Variants in CNTN6 observed in about 807,000 individuals in gnomAD.
CNTN6 encodes the protein contactin 6, also known as contactin-6.
CNTN6 carries 137 observed loss-of-function variants against 122.8 expected under a neutral mutation model. The observed-to-expected ratio is 1.12, with a 90% CI of 0.97 to 1.29. CNTN6 has a LOEUF of 1.29. Among genes scored for constraint, CNTN6 ranks in the 50% most tolerant of loss-of-function variants. The pLI is 0.00. For synonymous variants in CNTN6, 570 were observed against 426.0 expected, an observed-to-expected ratio of 1.34 and a Z score of -4.16; for missense variants, 1,634 against 1,223.4, an observed-to-expected ratio of 1.34 and a Z score of -5.01.
chr3:1,110,474 T>G (rs936060143), intron 1 of CNTN6, among the ~76,000 whole-genome samples: 6 of 152,108 alleles, frequency 3.9e-5, no homozygotes, highest in African/African-American at 1.4e-4. Flanking sequence ...CATGCATTGT[T>G]CCTTGGATGG....
chr3:1,205,334 G>A (rs1007821996), intron 2 of CNTN6, among the ~76,000 whole-genome samples: 4 of 152,108 alleles, frequency 2.6e-5, no homozygotes, highest in African/African-American at 4.8e-5. Context: ...TTGAGTTTGA[G>A]GTAATTTGTT....
intron 11 of CNTN6, among the ~76,000 whole-genome samples, chr3:1,332,980 C>T (rs941573195): frequency 3.3e-5 from 5 of 151,968 alleles, no homozygotes; most frequent in African/African-American, 1.2e-4. Flanking sequence ...TTAACGAAAG[C>T]TTTGGAGAAG....
At chr3:1,228,511 G>C (rs1055520180) in intron 4 of CNTN6, among the ~76,000 whole-genome samples, 1 of 152,154 alleles carries the variant, frequency 6.6e-6, no homozygotes, top group African/African-American at 2.4e-5. Flanking sequence ...TGTCATCCAA[G>C]TAATTACCCT....
At chr3:1,299,904 T>G (rs573280770) in intron 7 of CNTN6, among the ~76,000 whole-genome samples, 1 of 152,190 alleles carries the variant, frequency 6.6e-6, no homozygotes, top group Non-Finnish European at 1.5e-5. Context: ...GGATAATACA[T>G]GTTAAAACAT....
intron 2 of CNTN6, among the ~76,000 whole-genome samples, chr3:1,205,092 A>G (rs1360440659): frequency 6.6e-6 from 1 of 152,212 alleles, no homozygotes; most frequent in African/African-American, 2.4e-5. Context: ...GAGTAATTTA[A>G]TGTGAGAAGG....
chr3:1,228,405 G>T (rs535926980), intron 4 of CNTN6, among the ~76,000 whole-genome samples: 2 of 152,220 alleles, frequency 1.3e-5, no homozygotes, highest in East Asian at 1.9e-4. Context: ...CAAGAAAAGC[G>T]ATCATGCACC....
chr3:1,357,349 G>T (rs983254234), intron 12 of CNTN6, among the ~76,000 whole-genome samples: 1 of 151,788 alleles, frequency 6.6e-6, no homozygotes, highest in South Asian at 2.1e-4. Flanking sequence ...ACTAACTAAC[G>T]TGGAACTTGA....
Position 1,332,472 on chromosome 3 carries a change from AAGAG to A in CNTN6, c.1364+2541_1364+2544del, listed in dbSNP as rs1377127939. Among the ~76,000 whole-genome samples the A allele has an allele frequency of 2.0e-5, 3 of 149,910 alleles. No individual in the cohort carries two copies. The East Asian group carries it at 6.0e-4, about 30-fold the overall frequency. On this transcript the variant is annotated intron_variant, in intron 11 of 22. Transcript: ENST00000446702. ...GTAAAAAATTAGAGTAGTGATAAGA[AAGAG>A]AGAAAGAAAGGAAGGAAAAAAGGAA... is the stretch of plus-strand genomic sequence containing the variant.
At chr3:1,374,219 T>G (rs989945640) in intron 16 of CNTN6, 146 bp downstream of exon 16, 31 of 707,000 alleles carry the variant, frequency 4.4e-5, no homozygotes, top group Non-Finnish European at 5.8e-5. Flanking sequence ...CTTTTATTTT[T>G]ACATACACAA....
At chr3:1,382,021 T>C (rs1393888797) in intron 17 of CNTN6, among the ~76,000 whole-genome samples, 3 of 151,920 alleles carry the variant, frequency 2.0e-5, no homozygotes, top group Admixed American at 1.3e-4. Context: ...AAAGAGAACC[T>C]CTGAAATGGA....
At chr3:1,224,206 TTCATAGAATCAAC>T (rs1439543119) in intron 3 of CNTN6, among the ~76,000 whole-genome samples, 1 of 152,088 alleles carries the variant, frequency 6.6e-6, no homozygotes, top group Non-Finnish European at 1.5e-5. Flanking sequence ...AAAAGTTGAT[TTCATAGAATCAAC>T]TCATAGAAGT....
chr3:1,165,729 G>T lies in CNTN6; in HGVS notation c.55+17666G>T, dbSNP rs575643730. On this transcript the variant is annotated intron_variant, in intron 2 of 22. Transcript: ENST00000446702. ...ATGTGCATTACTATTGTTTCCATTT[G>T]TAATGAAGAAATCAAAGCTGAAGAG... 2.7e-4 allele frequency among the ~76,000 whole-genome samples: 41 copies of T among 152,218 alleles called. No individual in the cohort carries two copies. The South Asian group carries it at 7.9e-3, about 29-fold the overall frequency.
chr3:1,109,444 T>A (rs780012990), intron 1 of CNTN6, among the ~76,000 whole-genome samples: 20 of 152,080 alleles, frequency 1.3e-4, no homozygotes, highest in Non-Finnish European at 2.2e-4. Context: ...AATGTCAAAA[T>A]AATATAAATA....
intron 4 of CNTN6, among the ~76,000 whole-genome samples, chr3:1,265,114 T>C (rs1471657639): frequency 6.6e-6 from 1 of 151,346 alleles, no homozygotes; most frequent in African/African-American, 2.4e-5. Flanking sequence ...ATTTTTGTTA[T>C]CTATTCACCT....
chr3:1,279,565 G>A (rs532491335), intron 5 of CNTN6, among the ~76,000 whole-genome samples: 13 of 152,270 alleles, frequency 8.5e-5, no homozygotes, highest in East Asian at 1.9e-4. Flanking sequence ...CCAAGGTCAC[G>A]CAGCTGGCAG....
At chr3:1,181,688 C>T (rs1014450525) in intron 2 of CNTN6, among the ~76,000 whole-genome samples, 7 of 152,086 alleles carry the variant, frequency 4.6e-5, no homozygotes, top group African/African-American at 1.7e-4. Flanking sequence ...GTGCCCTGCA[C>T]ATAGGGTTTA....
intron 7 of CNTN6, among the ~76,000 whole-genome samples, chr3:1,309,629 T>A (rs781432083): frequency 8.1e-4 from 123 of 152,290 alleles, no homozygotes; most frequent in Non-Finnish European, 1.4e-3. Flanking sequence ...TCCTTGTCTT[T>A]CCATACAAAC....
chr3:1,180,058 T>C (rs1297533769), intron 2 of CNTN6, among the ~76,000 whole-genome samples: 1 of 152,196 alleles, frequency 6.6e-6, no homozygotes, highest in African/African-American at 2.4e-5. Context: ...TTGCAATTTG[T>C]CCAATTCTTT....
chr3:1,119,992 G>A (rs1404502368), intron 1 of CNTN6, among the ~76,000 whole-genome samples: 1 of 151,984 alleles, frequency 6.6e-6, no homozygotes, highest in Non-Finnish European at 1.5e-5. Context: ...GTAGTACGGT[G>A]CTTTATGTTG....
Sources: allele counts gnomAD v4.1 joint callset (sites outside exome capture counted in the v4.1 genomes callset), GRCh38; gene constraint gnomAD v4.1.1; transcripts MANE v1.5; gene names NCBI Gene and HGNC (gene_info 2026-07-23, HGNC 2026-07-21).